The following BCAN variants were observed in gnomAD, a reference collection of about 807,000 sequenced individuals.
BCAN encodes the protein brevican, also known as brevican core protein.
A neutral mutation model predicts 92.4 loss-of-function variants in BCAN; 51 were observed. The ratio of observed to expected loss-of-function variants is 0.55; its 90% confidence interval spans 0.44 to 0.70. BCAN has a LOEUF of 0.70. Among genes scored for constraint, BCAN ranks in the 30% least tolerant of loss-of-function variants. The pLI is 0.00. For synonymous variants in BCAN, 501 were observed against 505.2 expected (o/e 0.99, Z 0.11); for missense variants, 1,140 against 1,212.1 (o/e 0.94, Z 0.88).
At chr1:156,651,948 T>A (rs934861731) in intron 7 of BCAN, among the ~76,000 whole-genome samples, 1 of 152,158 alleles carries the variant, frequency 6.6e-6, no homozygotes, top group Non-Finnish European at 1.5e-5. Flanking sequence ...CCTTCTTTGG[T>A]CCCTCTTCCG....
In BCAN at chr1:156,647,371, A is replaced by T; in HGVS notation, c.467-137A>T. On this transcript the variant is annotated intron_variant, in intron 3 of 13. Coordinates refer to ENST00000329117, the MANE Select transcript of BCAN (RefSeq NM_021948.5). The surrounding 1 kb of genome is among the most constrained non-coding windows in gnomAD (Gnocchi z 4.8). ...GTGGAGGACATTCTACCCACAATCT[A>T]ACTTAAGTCCCTCATGCTGTAGAGT... 8.9e-7 allele frequency: 1 copy of T among 1,126,604 alleles called. No individual in the cohort carries two copies. Among genetic ancestry groups the T allele is most frequent in the Non-Finnish European group, 1.2e-6 (1 of 804,888 alleles). The allele number at this position is 1,126,604 out of a possible 1,614,324, so 69.8% of individuals were successfully genotyped here. A position where few individuals can be genotyped will look rare whatever the true frequency, so the allele number is the denominator to read the frequency against.
chr1:156,656,704 C>A, intron 9 of BCAN: 1 of 579,552 alleles, frequency 1.7e-6, no homozygotes, highest in Non-Finnish European at 3.0e-6. Context: ...CAGGCCGGAA[C>A]TCCATCCCTC....
At chr1:156,650,877 A>G (rs1279412758) in intron 6 of BCAN, among the ~76,000 whole-genome samples, 1 of 152,218 alleles carries the variant, frequency 6.6e-6, no homozygotes, top group African/African-American at 2.4e-5. Context: ...CAGGAGGCGA[A>G]GGTTGCAATG....
chr1:156,658,288 G>A lies in BCAN; in HGVS notation c.2437+17G>A, dbSNP rs750870026. ...TGGGGCTGGGTGAGGGCAGGCAAAG[G>A]AGGGTCCCAGCAAGGAAGTGGAGGG... is the stretch of plus-strand genomic sequence containing the variant. On this transcript the variant is annotated intron_variant, in intron 12 of 13. Coordinates refer to ENST00000329117, the MANE Select transcript of BCAN (RefSeq NM_021948.5). This position sits in a 1 kb window ranked among gnomAD's most constrained non-coding sequence, Gnocchi z 4.4. The A allele has an allele frequency of 5.6e-6, 9 of 1,612,422 alleles. No homozygotes were observed. The African/African-American group carries it at 8.0e-5, about 14-fold the overall frequency.
chr1:156,645,285 T>C (rs1678924218), intron 1 of BCAN, among the ~76,000 whole-genome samples: 1 of 152,138 alleles, frequency 6.6e-6, no homozygotes, highest in Non-Finnish European at 1.5e-5. Flanking sequence ...TCCCAACTGA[T>C]TTCTGAGCCA....
Position 156,659,524 on chromosome 1 carries a change from G to A in BCAN, c.*390G>A, listed in dbSNP as rs147255397. 9.1e-4 allele frequency: 181 copies of A among 199,348 alleles called. 1 individual carries two copies. The highest frequency in any genetic ancestry group is 3.8e-3 in the Middle Eastern group (2 of 526). 12.3% of individuals were successfully genotyped at this position (199,348 alleles called of 1,614,324 possible). A position where few individuals can be genotyped will look rare whatever the true frequency, so the allele number is the denominator to read the frequency against. On this transcript the variant is annotated 3_prime_UTR_variant, in exon 14 of 14. Coordinates refer to ENST00000329117, the MANE Select transcript of BCAN (RefSeq NM_021948.5). ...GGAAATAAAACTGTGTATGAGCCCAGGCAAGTTGGATGCTTCTGTGTGTAT... is the reference window on the plus strand; with the variant it reads ...GGAAATAAAACTGTGTATGAGCCCAAGCAAGTTGGATGCTTCTGTGTGTAT...
chr1:156,656,958 G>T lies in BCAN; in HGVS notation c.2071G>T (p.Gly691Cys), dbSNP rs779600991. Residue 691 changes from glycine to cysteine, a missense_variant, in exon 10 of 14, where the codon GGC (glycine) becomes TGC (cysteine). By Grantham distance (159) the Gly-to-Cys change is radical. Transcript: ENST00000329117. Reference protein sequence around the residue: ...CDVGLRFCNPGWDAFQGACYK... With the variant: ...CDVGLRFCNPCWDAFQGACYK... ...CGCAGGCCTCCGCTTCTGCAACCCC[G>T]GCTGGGACGCCTTCCAGGGCGCCTG... 6.2e-7 allele frequency: 1 copy of T among 1,613,764 alleles called. No individual in the cohort carries two copies. Among genetic ancestry groups the T allele is most frequent in the Non-Finnish European group, 8.5e-7 (1 of 1,179,684 alleles).
rs1489765571 is a variant in BCAN, at chr1:156,659,032, A to G, written c.2634A>G (p.Arg878=). The change falls in exon 14 of 14, where the codon CGA becomes CGG. Residue 878 remains arginine, a synonymous_variant. Transcript: ENST00000329117. ...TGAGTGTGTGTCTTCCCCAGGCCCG[A>G]GCTCTGCACCCAGAGGAGGACCCAG... The part of the protein sequence containing the change: ...QISCVPRRPA[R]ALHPEEDPEG... 3 of 1,597,470 alleles carry G rather than the reference A, an allele frequency of 1.9e-6. No homozygotes were observed. In the South Asian group the frequency reaches 3.4e-5, roughly 18 times the overall value.
chr1:156,657,638 T>C (rs781142191), intron 10 of BCAN, 37 bp from the exon 11 acceptor site: 3 of 1,561,438 alleles, frequency 1.9e-6, no homozygotes, highest in Non-Finnish European at 2.6e-6. Flanking sequence ...CGCCATCTGC[T>C]GGCGGCTGCG....
At position 156,646,835 on chromosome 1, in the gene BCAN, C is replaced by T; in HGVS notation, c.126C>T (p.Asp42=). Reference sequence around the variant, plus strand: ...CTTTTCGCGTGCGCATCGCGGGCGACGCGCCACTGCAGGGCGTGCTCGGCG... The same window carrying T: ...CTTTTCGCGTGCGCATCGCGGGCGATGCGCCACTGCAGGGCGTGCTCGGCG... ...DRAFRVRIAG[D]APLQGVLGGA... The change falls in exon 3 of 14, where the codon GAC becomes GAT. Residue 42 remains aspartate, a synonymous_variant. Coordinates refer to ENST00000329117, the MANE Select transcript of BCAN (RefSeq NM_021948.5). 5 of 1,582,550 alleles carry T rather than the reference C, an allele frequency of 3.2e-6. No homozygotes were observed. The highest frequency in any genetic ancestry group is 2.3e-5 in the East Asian group (1 of 44,262).
At position 156,648,635 on chromosome 1, in the gene BCAN, G is replaced by A; in HGVS notation, c.837G>A (p.Glu279=). The change falls in exon 6 of 14, where the codon GAG becomes GAA. Residue 279 remains glutamate, a synonymous_variant. Transcript: ENST00000329117. Reference sequence around the variant, plus strand: ...AGGAAGCACGGGCGTACTGCCAGGAGCGGGGTGCAGAGATTGCCACCACGG... The same window carrying A: ...AGGAAGCACGGGCGTACTGCCAGGAACGGGGTGCAGAGATTGCCACCACGG... ...TLEEARAYCQ[E]RGAEIATTGQ... The A allele has an allele frequency of 6.2e-7, 1 of 1,611,088 alleles. No individual in the cohort carries two copies. Among genetic ancestry groups the A allele is most frequent in the Non-Finnish European group, 8.5e-7 (1 of 1,177,464 alleles).
Position 156,642,899 on chromosome 1 carries a change from AG to A in BCAN, c.-9+626del, listed in dbSNP as rs1421404899. On this transcript the variant is annotated intron_variant, in intron 1 of 13. Transcript: ENST00000329117. The surrounding 1 kb of genome is among the most constrained non-coding windows in gnomAD (Gnocchi z 4.2). ...TTTTCTCACAGTTGAGGTTATCCACAGGAAGCATTTAGGAGAACTGGCTCAG... is the reference window on the plus strand; with the variant it reads ...TTTTCTCACAGTTGAGGTTATCCACAGAAGCATTTAGGAGAACTGGCTCAG... 2.6e-5 allele frequency: 4 copies of A among 152,348 alleles called. No homozygotes were observed. Among genetic ancestry groups the A allele is most frequent in the Non-Finnish European group, 5.9e-5 (4 of 68,018 alleles). 9.4% of individuals were successfully genotyped at this position (152,348 alleles called of 1,614,324 possible). A position where few individuals can be genotyped will look rare whatever the true frequency, so the allele number is the denominator to read the frequency against.
At chr1:156,656,480 G>T in intron 9 of BCAN, 91 bp downstream of exon 9, 1 of 1,065,038 alleles carries the variant, frequency 9.4e-7, no homozygotes, top group Non-Finnish European at 1.3e-6. Flanking sequence ...ATTGGTTTTG[G>T]CCTTGTCATT....
chr1:156,651,341 AGG>A (rs1679156115), intron 6 of BCAN, 113 bp from the exon 7 acceptor site: 4 of 958,768 alleles, frequency 4.2e-6, no homozygotes, highest in Non-Finnish European at 4.7e-6. Context: ...GGGCCCCAGT[AGG>A]TGCTCCACAG....
At position 156,657,056 on chromosome 1, in the gene BCAN, G is replaced by T; in HGVS notation, c.2169G>T (p.Leu723=). ...AGTGCCGGATGTACGGCGCGCATCT[G>T]GCCAGCATCAGCACACCCGAGGAAC... The part of the protein sequence containing the change: ...ETQCRMYGAH[L]ASISTPEEQD... Residue 723 remains leucine, a synonymous_variant, in exon 10 of 14, where the codon CTG becomes CTT. Transcript: ENST00000329117. The T allele has an allele frequency of 1.2e-6, 2 of 1,614,240 alleles. No individual in the cohort carries two copies. Among genetic ancestry groups the T allele is most frequent in the Middle Eastern group, 1.6e-4 (1 of 6,062 alleles).
At position 156,647,255 on chromosome 1, in the gene BCAN, G is replaced by A; in HGVS notation, c.466+80G>A. The A allele has an allele frequency of 6.9e-7, 1 of 1,440,080 alleles. No individual in the cohort carries two copies. Among genetic ancestry groups the A allele is most frequent in the African/African-American group, 1.4e-5 (1 of 69,826 alleles). 89.2% of individuals were successfully genotyped at this position (1,440,080 alleles called of 1,614,324 possible). On this transcript the variant is annotated intron_variant, in intron 3 of 13. Transcript: ENST00000329117. The surrounding 1 kb of genome is among the most constrained non-coding windows in gnomAD (Gnocchi z 4.8). ...CTTGCCTTCGGGGATCCCACAGTGT[G>A]AGAGGGAAGCAAAGGTAGCTGGAAG...
intron 6 of BCAN, among the ~76,000 whole-genome samples, chr1:156,651,076 C>G (rs1389588218): frequency 6.6e-6 from 1 of 152,256 alleles, no homozygotes; most frequent in African/African-American, 2.4e-5. Flanking sequence ...CTCACCTGAG[C>G]CTTTCCTGAC....
Position 156,646,995 on chromosome 1 carries a change from G to A in BCAN, c.286G>A (p.Val96Met), listed in dbSNP as rs1384348141. ...REAEVLVARG[V>M]RVKVNEAYRF... Reference sequence around the variant, plus strand: ...GGCAGAGGTGCTGGTGGCGCGGGGAGTGCGCGTCAAGGTGAACGAGGCCTA... The same window carrying A: ...GGCAGAGGTGCTGGTGGCGCGGGGAATGCGCGTCAAGGTGAACGAGGCCTA... The change falls in exon 3 of 14, where the codon GTG (valine) becomes ATG (methionine). Residue 96 changes from valine (V) to methionine (M), a missense_variant. By Grantham distance (21) the Val-to-Met change is conservative (BLOSUM62 1). Around this residue, in one of 3 missense-constraint regions of BCAN, gnomAD observed 286 missense variants for 284.1 expected, o/e 1.01. Coordinates refer to ENST00000329117, the MANE Select transcript of BCAN (RefSeq NM_021948.5). 5 of 1,612,910 alleles carry A rather than the reference G, an allele frequency of 3.1e-6. No homozygotes were observed. The Admixed American group carries it at 5.0e-5, about 16-fold the overall frequency.
chr1:156,657,832 C>G, intron 11 of BCAN, 75 bp downstream of exon 11: 2 of 1,275,312 alleles, frequency 1.6e-6, no homozygotes, highest in South Asian at 1.4e-5. Context: ...ACCCCCACCC[C>G]TCCCGACCCT....
Sources: allele counts gnomAD v4.1 joint callset (sites outside exome capture counted in the v4.1 genomes callset), GRCh38; gene constraint gnomAD v4.1.1; regional missense constraint gnomAD v4.1.1; non-coding constraint Gnocchi (gnomAD v3.1); transcripts MANE v1.5; gene names NCBI Gene and HGNC (gene_info 2026-07-23, HGNC 2026-07-21).